The following ANKDD1B variants were observed in gnomAD, a reference collection of about 807,000 sequenced individuals.
The protein encoded by ANKDD1B is ankyrin repeat and death domain-containing protein 1B.
A neutral mutation model predicts 59.7 loss-of-function variants in ANKDD1B; 57 were observed. The observed-to-expected ratio is 0.95, with a 90% CI of 0.77 to 1.19. The LOEUF (loss-of-function observed/expected upper bound fraction) is 1.19, where lower values mean the gene tolerates loss of function less well. Among genes scored for constraint, ANKDD1B ranks in the 50% most tolerant of loss-of-function variants. The pLI is 0.00. For missense variants in ANKDD1B, 602 were observed against 641.9 expected (o/e 0.94, Z 0.67); for synonymous variants, 216 against 239.5 (o/e 0.90, Z 0.91).
intron 1 of ANKDD1B, among the ~76,000 whole-genome samples, chr5:75,612,111 A>G (rs1176096106): frequency 6.6e-6 from 1 of 152,324 alleles, no homozygotes; most frequent in East Asian, 1.9e-4. Flanking sequence ...CCTTTTGCAA[A>G]TAAGAGTTTC....
chr5:75,665,176 A>G (rs889413263), intron 11 of ANKDD1B, among the ~76,000 whole-genome samples: 14 of 152,196 alleles, frequency 9.2e-5, no homozygotes, highest in South Asian at 2.1e-4. Context: ...TTATTCCTGC[A>G]AATAGTTCAG....
chr5:75,659,944 C>G (rs988110229), intron 10 of ANKDD1B, among the ~76,000 whole-genome samples: 1 of 151,178 alleles, frequency 6.6e-6, no homozygotes, highest in Non-Finnish European at 1.5e-5. Flanking sequence ...TTTTTTAGAG[C>G]TGCATAGTAT....
intron 13 of ANKDD1B, among the ~76,000 whole-genome samples, chr5:75,670,466 A>G (rs1363002404): frequency 6.6e-6 from 1 of 152,234 alleles, no homozygotes; most frequent in Admixed American, 6.5e-5. Context: ...CCAATTTTTC[A>G]GAAATTGATG....
chr5:75,667,206 G>A (rs991382487), intron 12 of ANKDD1B, among the ~76,000 whole-genome samples: 4 of 152,226 alleles, frequency 2.6e-5, no homozygotes, highest in East Asian at 3.8e-4. Context: ...GCAGTAAACC[G>A]AAGTTTGTAA....
At chr5:75,661,433 A>G (rs936409435) in intron 10 of ANKDD1B, among the ~76,000 whole-genome samples, 3 of 146,874 alleles carry the variant, frequency 2.0e-5, no homozygotes, top group Admixed American at 6.8e-5. Context: ...AAAGTAACAC[A>G]GGCCCACTGT....
chr5:75,620,908 T>G lies in ANKDD1B; in HGVS notation c.396+495T>G, dbSNP rs55959099. 8.1e-3 allele frequency among the ~76,000 whole-genome samples: 1,229 copies of G among 152,334 alleles called. 10 individuals carry two copies. Among genetic ancestry groups the G allele is most frequent in the Non-Finnish European group, 0.013 (871 of 68,028 alleles). ...TTTCTAGCTCCTCACCCTCTTTTCC[T>G]GGTCCTCTGTCTGGAAAGCCAAGGC... is the stretch of plus-strand genomic sequence containing the variant. On this transcript the variant is annotated intron_variant, in intron 3 of 13. Coordinates refer to ENST00000601380, the MANE Select transcript of ANKDD1B (RefSeq NM_001276713.2).
chr5:75,658,175 T>A, intron 9 of ANKDD1B, among the ~76,000 whole-genome samples: 1 of 152,046 alleles, frequency 6.6e-6, no homozygotes, highest in East Asian at 1.9e-4. Context: ...CCAGTCTGAG[T>A]GACAGAGTAA....
intron 12 of ANKDD1B, among the ~76,000 whole-genome samples, chr5:75,668,900 A>AT (rs1206890095): frequency 6.6e-6 from 1 of 152,212 alleles, no homozygotes; most frequent in Non-Finnish European, 1.5e-5. Context: ...CCAAACTTGC[A>AT]TTTTAGTAAG....
chr5:75,638,299 T>A (rs1390354643), intron 7 of ANKDD1B, among the ~76,000 whole-genome samples: 1 of 152,184 alleles, frequency 6.6e-6, no homozygotes, highest in Non-Finnish European at 1.5e-5. Context: ...AACTTTAATT[T>A]CAGATTATAA....
intron 9 of ANKDD1B, among the ~76,000 whole-genome samples, chr5:75,656,688 G>T (rs1474338367): frequency 6.6e-6 from 1 of 152,218 alleles, no homozygotes; most frequent in Non-Finnish European, 1.5e-5. Flanking sequence ...ATGGGGGTGG[G>T]CACTGAATGA....
intron 7 of ANKDD1B, among the ~76,000 whole-genome samples, chr5:75,648,160 T>A (rs368831873): frequency 9.4e-6 from 1 of 106,032 alleles, no homozygotes; most frequent in Admixed American, 9.5e-5. Context: ...CTAGATGACA[T>A]GTTAGTGGGT....
At chr5:75,634,200 T>C (rs1426036201) in intron 5 of ANKDD1B, among the ~76,000 whole-genome samples, 2 of 152,250 alleles carry the variant, frequency 1.3e-5, no homozygotes, top group Non-Finnish European at 2.9e-5. Flanking sequence ...ATAGTCTCCA[T>C]TGGCAACATG....
At chr5:75,654,548 TGC>T (rs1163000946) in intron 8 of ANKDD1B, among the ~76,000 whole-genome samples, 9 of 151,976 alleles carry the variant, frequency 5.9e-5, no homozygotes, top group Non-Finnish European at 1.2e-4. Context: ...AGCACAGTGG[TGC>T]ATGCCTGTAG....
chr5:75,658,458 T>A (rs1343273673), intron 9 of ANKDD1B, among the ~76,000 whole-genome samples: 1 of 152,186 alleles, frequency 6.6e-6, no homozygotes, highest in Non-Finnish European at 1.5e-5. Context: ...TTTCTTGTGA[T>A]TTCAGATATT....
chr5:75,669,384 G>T lies in ANKDD1B; in HGVS notation c.1525+1G>T. On this transcript the variant is annotated splice_donor_variant, in intron 13 of 13. Coordinates refer to ENST00000601380, the MANE Select transcript of ANKDD1B (RefSeq NM_001276713.2). LOFTEE classifies it high-confidence loss of function. ...CACGCAGGTTTCCCAAAACTAGCTG[G>T]TAAGTGACAGTTTCAACAACAGAAA... 8.1e-7 allele frequency: 1 copy of T among 1,232,140 alleles called. No homozygotes were observed. Among genetic ancestry groups the T allele is most frequent in the Non-Finnish European group, 1.0e-6 (1 of 987,906 alleles). 76.3% of individuals were successfully genotyped at this position (1,232,140 alleles called of 1,614,324 possible).
chr5:75,648,977 G>A (rs1774740846), intron 7 of ANKDD1B, among the ~76,000 whole-genome samples: 1 of 152,162 alleles, frequency 6.6e-6, no homozygotes, highest in Non-Finnish European at 1.5e-5. Flanking sequence ...GGATGTTGGA[G>A]TGAGATTATG....
intron 11 of ANKDD1B, among the ~76,000 whole-genome samples, chr5:75,665,247 A>G (rs1775275848): frequency 1.3e-5 from 2 of 152,250 alleles, no homozygotes; most frequent in South Asian, 4.1e-4. Flanking sequence ...TAGGCTTTCC[A>G]AATCTCCTGC....
At chr5:75,667,775 T>C (rs11750595) in intron 12 of ANKDD1B, among the ~76,000 whole-genome samples, 10,230 of 152,272 alleles carry the variant, frequency 0.067, 366 homozygotes, top group South Asian at 0.11. Context: ...TGCCCTCTCA[T>C]GGACATCCTA....
intron 5 of ANKDD1B, among the ~76,000 whole-genome samples, chr5:75,626,912 A>G (rs1820647): frequency 0.071 from 10,771 of 152,118 alleles, 1,206 homozygotes; most frequent in African/African-American, 0.24. Flanking sequence ...CCACCAGAAT[A>G]CTACACCATA....
Sources: gnomAD v4.1 joint callset for allele counts (sites outside exome capture counted in the v4.1 genomes callset) on GRCh38, gnomAD v4.1.1 for gene constraint, MANE v1.5 for transcripts, NCBI Gene and HGNC (gene_info 2026-07-23, HGNC 2026-07-21) for gene names.